Variants in ZNF43 observed in about 807,000 individuals in gnomAD.
The protein encoded by ZNF43 is zinc finger protein 43, also known as zinc finger protein 39-like 1 (KOX 27).
Under a neutral mutation model 68.4 loss-of-function variants are expected in ZNF43, and 44 were observed. The ratio of observed to expected loss-of-function variants is 0.64; its 90% CI spans 0.51 to 0.83. The LOEUF (loss-of-function observed/expected upper bound fraction) is 0.83. Ranked by LOEUF, ZNF43 falls within the 40% of genes least tolerant of loss-of-function variation. The pLI, the probability that ZNF43 is intolerant of heterozygous loss-of-function variation, is 0.00. For missense variants in ZNF43, 896 were observed against 933.2 expected, an observed-to-expected ratio of 0.96 and a Z score of 0.52; for synonymous variants, 308 against 307.8, an observed-to-expected ratio of 1.00 and a Z score of -0.01.
intron 1 of ZNF43, among the ~76,000 whole-genome samples, chr19:21,850,415 C>T (rs915450164): frequency 6.6e-6 from 1 of 152,100 alleles, no homozygotes; most frequent in Non-Finnish European, 1.5e-5. Context: ...CAAAAATTAG[C>T]CGGGCATGGT....
upstream of ZNF43, among the ~76,000 whole-genome samples, chr19:21,836,955 G>T (rs1461328487): frequency 1.3e-5 from 2 of 152,114 alleles, no homozygotes; most frequent in Non-Finnish European, 2.9e-5. Flanking sequence ...TCAAGGAAAT[G>T]TTATGCACAT....
chr19:21,826,519 T>C (rs952692049), intron 1 of ZNF43: 4 of 152,160 alleles, frequency 2.6e-5, no homozygotes, highest in African/African-American at 9.7e-5. Context: ...GCTCAGTTTC[T>C]ACTTACAATG....
chr19:21,811,923 T>C (rs1371947873), intron 3 of ZNF43: 5 of 393,440 alleles, frequency 1.3e-5, no homozygotes, highest in African/African-American at 1.0e-4. Flanking sequence ...GACATGACAT[T>C]GGTCTTGGCA....
At position 21,813,318 on chromosome 19, in the gene ZNF43, T is replaced by A. The variant is rs573810341; in HGVS notation, c.230-3511A>T. On this transcript the variant is annotated intron_variant, in intron 3 of 3. Transcript: ENST00000354959. ...TCATCAAATACAAAAATCTCATTTA[T>A]GAATCTATATTCATAACAGAAAATG... 2.6e-5 allele frequency among the ~76,000 whole-genome samples: 4 copies of A among 152,280 alleles called. No individual in the cohort carries two copies. The South Asian group carries it at 8.3e-4, about 32-fold the overall frequency.
chr19:21,850,227 G>A (rs146861801), intron 1 of ZNF43, among the ~76,000 whole-genome samples: 1 of 152,332 alleles, frequency 6.6e-6, no homozygotes, highest in Non-Finnish European at 1.5e-5. Flanking sequence ...CACTCTCCTA[G>A]GTGATTGATG....
Position 21,809,142 on chromosome 19 carries a change from A to T in ZNF43, c.895T>A (p.Ser299Thr). 4 of 1,613,580 alleles carry T rather than the reference A, an allele frequency of 2.5e-6. No homozygotes were observed. Among genetic ancestry groups the T allele is most frequent in the Non-Finnish European group, 3.4e-6 (4 of 1,179,838 alleles). The change falls in exon 4 of 4, where the codon TCA (serine) becomes ACA (threonine). Residue 299 changes from serine to threonine, a missense_variant. By Grantham distance (58) the Ser-to-Thr change is moderately conservative. Transcript: ENST00000354959. Reference protein sequence around the residue: ...KECAKAFNQSSNLTEHKKIHP... With the variant: ...KECAKAFNQSTNLTEHKKIHP... The stretch of plus-strand genomic sequence containing the variant: ...ATTTTCTTATGTTCAGTAAGGTTTG[A>T]GGATTGGTTAAAAGCTTTGGCACAT...
chr19:21,806,520 C>T lies in ZNF43; in HGVS notation c.*1087G>A, dbSNP rs2036949083. ...CATAAAAAATGTTTTAAATAATGCC[C>T]ACCTAATAAAAGAATCTCTCATATC... On this transcript the variant is annotated 3_prime_UTR_variant, in exon 4 of 4. Transcript: ENST00000354959. 1 of 152,082 alleles carries T rather than the reference C, an allele frequency of 6.6e-6. No homozygotes were observed. The highest frequency in any genetic ancestry group is 1.5e-5 in the Non-Finnish European group (1 of 68,022). The allele number at this position is 152,082 out of a possible 1,614,324, so 9.4% of individuals were successfully genotyped here. A position where few individuals can be genotyped will look rare whatever the true frequency, so the allele number is the denominator to read the frequency against.
In ZNF43 at chr19:21,807,464, GCATT is replaced by G. The variant is rs2036991613; in HGVS notation, c.*139_*142del. ...TTCTTTCCTGTGCAATAAGGTACGA[GCATT>G]AATTAAAAGTTTTGCCACATTCTTC... On this transcript the variant is annotated 3_prime_UTR_variant, in exon 4 of 4. Transcript: ENST00000354959. The G allele has an allele frequency of 1.3e-5, 10 of 778,748 alleles. No individual in the cohort carries two copies. Among genetic ancestry groups the G allele is most frequent in the Non-Finnish European group, 1.9e-5 (10 of 514,766 alleles). The allele number at this position is 778,748 out of a possible 1,614,324, so 48.2% of individuals were successfully genotyped here. A position where few individuals can be genotyped will look rare whatever the true frequency, so the allele number is the denominator to read the frequency against.
intron 1 of ZNF43, among the ~76,000 whole-genome samples, chr19:21,820,213 A>T (rs2037730561): frequency 2.0e-5 from 1 of 50,768 alleles, no homozygotes; most frequent in African/African-American, 1.8e-4. Context: ...TAATAATAAT[A>T]ATAATATATA....
chr19:21,817,564 C>T (rs922010553), intron 3 of ZNF43, among the ~76,000 whole-genome samples: 1 of 152,078 alleles, frequency 6.6e-6, no homozygotes, highest in African/African-American at 2.4e-5. Context: ...TACAGTTTCT[C>T]AAAAGTATGC....
At position 21,807,690 on chromosome 19, in the gene ZNF43, T is replaced by A. The variant is rs770486585; in HGVS notation, c.2347A>T (p.Ile783Phe). Residue 783 changes from isoleucine to phenylalanine, a missense_variant, in exon 4 of 4, where the codon ATT becomes TTT. By Grantham distance (21) the Ile-to-Phe change is conservative. Transcript: ENST00000354959. Reference sequence around the variant, plus strand: ...TTGTAGAGTTTCTCTCCAGTATGAATTTTGTTATGTGTAGTAAGGTTTGAA... The same window carrying A: ...TTGTAGAGTTTCTCTCCAGTATGAAATTTGTTATGTGTAGTAAGGTTTGAA... ...QYSNLTTHNKIHTGEKLYKPE... is the reference protein window; with the variant it reads ...QYSNLTTHNKFHTGEKLYKPE... 6.2e-7 allele frequency: 1 copy of A among 1,610,616 alleles called. No individual in the cohort carries two copies. Among genetic ancestry groups the A allele is most frequent in the Non-Finnish European group, 8.5e-7 (1 of 1,178,250 alleles).
At chr19:21,829,665 C>G (rs956480169) in intron 1 of ZNF43, among the ~76,000 whole-genome samples, 1 of 151,986 alleles carries the variant, frequency 6.6e-6, no homozygotes, top group African/African-American at 2.4e-5. Flanking sequence ...AATCTAAATG[C>G]TTTAAGATAA....
At chr19:21,836,477 T>C (rs149788538), upstream of ZNF43, among the ~76,000 whole-genome samples, 1 of 152,254 alleles carries the variant, frequency 6.6e-6, no homozygotes, top group African/African-American at 2.4e-5. Context: ...ATATGGATAC[T>C]AAAAAATGAA....
At chr19:21,827,159 A>G (rs577490458) in intron 1 of ZNF43, 1 of 152,292 alleles carries the variant, frequency 6.6e-6, no homozygotes, top group African/African-American at 2.4e-5. Flanking sequence ...TATGAAAAAA[A>G]TATATATTCT....
At chr19:21,832,860 T>C (rs930828627) in intron 1 of ZNF43, among the ~76,000 whole-genome samples, 1 of 150,596 alleles carries the variant, frequency 6.6e-6, no homozygotes, top group Non-Finnish European at 1.5e-5. Context: ...TGAGACTCCA[T>C]GTCAATTGAA....
chr19:21,815,348 T>C (rs2037470178), intron 3 of ZNF43, among the ~76,000 whole-genome samples: 1 of 151,974 alleles, frequency 6.6e-6, no homozygotes, highest in Non-Finnish European at 1.5e-5. Context: ...AAATACAAGA[T>C]TGTAATGAGA....
chr19:21,827,240 C>G (rs1417291028), intron 1 of ZNF43: 1 of 152,132 alleles, frequency 6.6e-6, no homozygotes, highest in Non-Finnish European at 1.5e-5. Context: ...GATGGGAGTT[C>G]CATATTGGAA....
chr19:21,814,640 C>A (rs1014514657), intron 3 of ZNF43, among the ~76,000 whole-genome samples: 3 of 151,890 alleles, frequency 2.0e-5, no homozygotes, highest in African/African-American at 7.2e-5. Flanking sequence ...CATCTCCTGA[C>A]CTTGTGATCC....
chr19:21,820,005 C>A (rs1476643113), intron 1 of ZNF43, among the ~76,000 whole-genome samples: 1 of 151,154 alleles, frequency 6.6e-6, no homozygotes, highest in African/African-American at 2.4e-5. Flanking sequence ...TTGAGACCAG[C>A]CTGGCCAACG....
Sources: allele counts gnomAD v4.1 joint callset (sites outside exome capture counted in the v4.1 genomes callset), GRCh38; gene constraint gnomAD v4.1.1; transcripts MANE v1.5; gene names NCBI Gene and HGNC (gene_info 2026-07-23, HGNC 2026-07-21).